Variants in CSN1S1 observed in about 807,000 individuals in gnomAD.
CSN1S1 encodes casein alpha s1.
Under a neutral mutation model 49.1 loss-of-function variants are expected in CSN1S1, and 63 were observed. The observed-to-expected ratio is 1.28, with a 90% CI of 1.05 to 1.58. CSN1S1 has a LOEUF of 1.58. CSN1S1 is among the 40% of genes most tolerant of loss of function. CSN1S1 has a pLI of 0.00. For synonymous variants in CSN1S1, 78 were observed against 67.1 expected (o/e 1.16, Z -0.79); for missense variants, 260 against 224.7 (o/e 1.16, Z -1.01).
chr4:69,940,039 T>C lies in CSN1S1; in HGVS notation c.295T>C (p.Cys99Arg). ...TTTAAAGGAAATGTCTCTCAGTAAGTGTGCGGTAAGACATATTTGCTAAAT... is the reference window on the plus strand; with the variant it reads ...TTTAAAGGAAATGTCTCTCAGTAAGCGTGCGGTAAGACATATTTGCTAAAT... ...SSSEEMSLSK[C>R]AEQFCRLNEY... is the part of the protein sequence containing the mutation. The change falls in exon 11 of 16, where the codon TGT (cysteine) becomes CGT (arginine). Residue 99 changes from cysteine (C) to arginine (R), a missense_variant. Coordinates refer to ENST00000246891, the MANE Select transcript of CSN1S1 (RefSeq NM_001890.2). The C allele has an allele frequency of 7.1e-7, 1 of 1,399,742 alleles. No individual in the cohort carries two copies. Among genetic ancestry groups the C allele is most frequent in the Non-Finnish European group, 9.6e-7 (1 of 1,037,102 alleles). The allele number at this position is 1,399,742 out of a possible 1,614,324, so 86.7% of individuals were successfully genotyped here.
chr4:69,935,233 T>C (rs1402456543), intron 4 of CSN1S1, among the ~76,000 whole-genome samples: 1 of 152,030 alleles, frequency 6.6e-6, no homozygotes, highest in Non-Finnish European at 1.5e-5. Flanking sequence ...ATTATTTAAT[T>C]TTTGTTTATA....
chr4:69,945,324 G>A (rs755433292), intron 15 of CSN1S1, among the ~76,000 whole-genome samples: 8 of 151,776 alleles, frequency 5.3e-5, no homozygotes. Context: ...TCCTTTTTGC[G>A]CTTTTACTAA....
intron 12 of CSN1S1, among the ~76,000 whole-genome samples, chr4:69,941,720 A>G (rs986132996): frequency 4.0e-5 from 6 of 151,860 alleles, no homozygotes; most frequent in African/African-American, 1.4e-4. Flanking sequence ...CCTAATTGTT[A>G]CTCTAGTTTC....
chr4:69,944,720 C>T (rs1294904729), intron 14 of CSN1S1, 130 bp from the exon 15 acceptor site: 9 of 997,434 alleles, frequency 9.0e-6, no homozygotes, highest in Non-Finnish European at 1.3e-5. Flanking sequence ...ATTCTTTTCC[C>T]TCACAGAGTA....
At chr4:69,940,540 A>G (rs1722940971) in intron 11 of CSN1S1, among the ~76,000 whole-genome samples, 1 of 151,808 alleles carries the variant, frequency 6.6e-6, no homozygotes. Flanking sequence ...ATAAGTCTAT[A>G]ACTTAATCCT....
intron 1 of CSN1S1, among the ~76,000 whole-genome samples, chr4:69,931,450 C>T (rs1226233841): frequency 6.6e-6 from 1 of 151,788 alleles, no homozygotes; most frequent in Non-Finnish European, 1.5e-5. Flanking sequence ...AGTTGTTATG[C>T]AAATAATTTC....
At position 69,934,704 on chromosome 4, in the gene CSN1S1, C is replaced by T. The variant is rs1476179404; in HGVS notation, c.99C>T (p.Ser33=). ...YPERLQNPSE[S]SEPIPLESRE... is the part of the protein sequence containing the mutation. ...ATTTTTTACAGAATCCATCAGAGAG[C>T]AGTGAGGTAAGCTCTGTTTATGGGG... Residue 33 remains serine (S), a synonymous_variant, in exon 4 of 16, where the codon AGC becomes AGT. Transcript: ENST00000246891. 1.2e-6 allele frequency: 2 copies of T among 1,609,080 alleles called. No individual in the cohort carries two copies. The highest frequency in any genetic ancestry group is 4.5e-5 in the East Asian group (2 of 44,742).
At chr4:69,943,509 A>T (rs1018564664) in intron 14 of CSN1S1, among the ~76,000 whole-genome samples, 12 of 152,012 alleles carry the variant, frequency 7.9e-5, no homozygotes, top group African/African-American at 2.9e-4. Context: ...AAAGTGTGAC[A>T]ACTATATATG....
chr4:69,939,948 G>T lies in CSN1S1; in HGVS notation c.277-73G>T, dbSNP rs140608976. ...GCAATTATTTAGTAATAGTTTTGTT[G>T]ATTCATATTTTAACTTTAAATGTAA... On this transcript the variant is annotated intron_variant, in intron 10 of 15. Coordinates refer to ENST00000246891, the MANE Select transcript of CSN1S1 (RefSeq NM_001890.2). The T allele has an allele frequency of 8.0e-4, 707 of 886,216 alleles. 4 individuals are homozygous for T. In the African/African-American group the frequency reaches 0.011, roughly 14 times the overall value. 54.9% of individuals were successfully genotyped at this position (886,216 alleles called of 1,614,324 possible). A position where few individuals can be genotyped will look rare whatever the true frequency, so the allele number is the denominator to read the frequency against.
rs1477863964 is a variant in CSN1S1, at chr4:69,936,546, G to C, written c.154-20G>C. 2.5e-6 allele frequency: 4 copies of C among 1,604,274 alleles called. No homozygotes were observed. Among genetic ancestry groups the C allele is most frequent in the African/African-American group, 2.7e-5 (2 of 74,558 alleles). On this transcript the variant is annotated intron_variant, in intron 6 of 15. Transcript: ENST00000246891. ...TTTTCATGAAAACATATTTTACAAG[G>C]TACACTTTATTGATTTTAGCAGAGA...
At chr4:69,942,148 A>G in intron 13 of CSN1S1, 85 bp downstream of exon 13, 1 of 825,944 alleles carries the variant, frequency 1.2e-6, no homozygotes, top group South Asian at 2.6e-5. Flanking sequence ...TTTTAACATA[A>G]ATATATTCTG....
chr4:69,940,192 T>TAA (rs1560389365), intron 11 of CSN1S1, 148 bp downstream of exon 11: 1 of 398,302 alleles, frequency 2.5e-6, no homozygotes, highest in East Asian at 3.9e-5. Flanking sequence ...AAGGTGGCAT[T>TAA]AAAGTTTTAT....
chr4:69,932,403 T>C (rs886579049), intron 1 of CSN1S1, 141 bp from the exon 2 acceptor site: 1 of 611,414 alleles, frequency 1.6e-6, no homozygotes, highest in African/African-American at 1.9e-5. Flanking sequence ...ATCTTAAGTT[T>C]ATAAAAATTC....
intron 14 of CSN1S1, 114 bp downstream of exon 14, chr4:69,942,691 C>A: frequency 1.3e-6 from 1 of 763,412 alleles, no homozygotes; most frequent in Non-Finnish European, 2.2e-6. Flanking sequence ...AAACATTTCT[C>A]ACTCCCAACT....
chr4:69,936,639 A>G (rs1722796796), intron 7 of CSN1S1, 32 bp downstream of exon 7: 4 of 1,576,576 alleles, frequency 2.5e-6, no homozygotes, highest in Non-Finnish European at 3.5e-6. Context: ...GAGTATGGCA[A>G]AAGTATATAT....
intron 2 of CSN1S1, 74 bp downstream of exon 2, chr4:69,932,680 T>C: frequency 7.7e-7 from 1 of 1,300,276 alleles, no homozygotes; most frequent in South Asian, 1.3e-5. Context: ...AAACATAGGA[T>C]ACCCAGAGAA....
rs1237959053 is a variant in CSN1S1, at chr4:69,941,035, T to G, written c.317T>G (p.Leu106Arg). The G allele has an allele frequency of 6.6e-7, 1 of 1,518,440 alleles. No homozygotes were observed. Among genetic ancestry groups the G allele is most frequent in the Non-Finnish European group, 9.0e-7 (1 of 1,111,746 alleles). The allele number at this position is 1,518,440 out of a possible 1,614,324, so 94.1% of individuals were successfully genotyped here. A position where few individuals can be genotyped will look rare whatever the true frequency, so the allele number is the denominator to read the frequency against. Residue 106 changes from leucine to arginine, a missense_variant, in exon 12 of 16, where the codon CTG (leucine) becomes CGG (arginine). By Grantham distance (102) the Leu-to-Arg change is moderately radical. Transcript: ENST00000246891. ...TTTAAATAGGAACAGTTTTGTAGACTGAACGAATACAACCAACTTCAGCTG... is the reference window on the plus strand; with the variant it reads ...TTTAAATAGGAACAGTTTTGTAGACGGAACGAATACAACCAACTTCAGCTG... The part of the protein sequence containing the change: ...LSKCAEQFCR[L>R]NEYNQLQLQA...
chr4:69,941,820 A>C (rs1722976334), intron 12 of CSN1S1, among the ~76,000 whole-genome samples: 1 of 151,852 alleles, frequency 6.6e-6, no homozygotes, highest in South Asian at 2.1e-4. Flanking sequence ...TGATCTAGAA[A>C]ATTACCTGAA....
intron 9 of CSN1S1, 136 bp from the exon 10 acceptor site, chr4:69,939,040 C>T (rs867885368): frequency 1.2e-5 from 6 of 518,622 alleles, no homozygotes; most frequent in African/African-American, 3.9e-5. Context: ...CAATGTAGTA[C>T]GCCTGAATTT....
Sources: allele counts gnomAD v4.1 joint callset (sites outside exome capture counted in the v4.1 genomes callset), GRCh38; gene constraint gnomAD v4.1.1; transcripts MANE v1.5; gene names NCBI Gene and HGNC (gene_info 2026-07-23, HGNC 2026-07-21).